FOXD1: variants seen among roughly 807,000 people sequenced by gnomAD.
The protein encoded by FOXD1 is forkhead box D1.
Under a neutral mutation model 2.0 loss-of-function variants are expected in FOXD1, and 4 were observed. The ratio of observed to expected loss-of-function variants is 2.03; its 90% CI spans 1.00 to 4.64. The LOEUF (loss-of-function observed/expected upper bound fraction) is 4.64. Ranked by LOEUF, FOXD1 falls within the 30% of genes most tolerant of loss-of-function variation. The probability of loss-of-function intolerance (pLI) is 0.01; values close to 1 mark genes in which losing one functional copy is unlikely to be tolerated. For missense variants in FOXD1, 586 were observed against 647.6 expected (o/e 0.90, Z 1.03); for synonymous variants, 354 against 328.5 (o/e 1.08, Z -0.84).
In FOXD1 at chr5:73,447,985, C is replaced by A. The variant is rs780745390; in HGVS notation, c.378G>T (p.Pro126=). The change falls in exon 1 of 1, where the codon CCG becomes CCT. Residue 126 remains proline, a synonymous_variant. Coordinates refer to ENST00000615637, the MANE Select transcript of FOXD1 (RefSeq NM_004472.3). The surrounding 1 kb of genome is among the most constrained non-coding windows in gnomAD (Gnocchi z 7.8). ...GSGAKNPLVK[P]PYSYIALITM... ...TGATGAGCGCGATATACGAGTAGGG[C>A]GGCTTCACCAGCGGGTTCTTGGCGC... The A allele has an allele frequency of 6.6e-7, 1 of 1,504,602 alleles. No homozygotes were observed. The allele number at this position is 1,504,602 out of a possible 1,614,324, so 93.2% of individuals were successfully genotyped here. A position where few individuals can be genotyped will look rare whatever the true frequency, so the allele number is the denominator to read the frequency against.
rs79685984 is a variant in FOXD1 at position 73,448,714 on chromosome 5, C to A, written c.-352G>T. On this transcript the variant is annotated 5_prime_UTR_variant, in exon 1 of 1. Coordinates refer to ENST00000615637, the MANE Select transcript of FOXD1 (RefSeq NM_004472.3). ...GGCGGGCGAATCAGAACGCCAGGCG[C>A]CCAGGAACGTGCGGGACGGGTGAGA... Among the ~76,000 whole-genome samples, 5,328 of 152,096 alleles carry A rather than the reference C, an allele frequency of 0.035. 122 individuals are homozygous for A. Among genetic ancestry groups the A allele is most frequent in the Middle Eastern group, 0.12 (34 of 294 alleles).
rs1246045501 is a variant in FOXD1 at position 73,448,754 on chromosome 5, C to T, written c.-392G>A. 2.6e-5 allele frequency among the ~76,000 whole-genome samples: 4 copies of T among 152,140 alleles called. No homozygotes were observed. Among genetic ancestry groups the T allele is most frequent in the Non-Finnish European group, 5.9e-5 (4 of 68,012 alleles). On this transcript the variant is annotated 5_prime_UTR_variant, in exon 1 of 1. Transcript: ENST00000615637. ...GACGGGTGAGAGTCTAAGAACAGAG[C>T]TCGGCGAGGCCAGGGCTGAGTCCAG...
In FOXD1 at chr5:73,448,057, C is replaced by T. The variant is rs1459498805; in HGVS notation, c.306G>A (p.Gly102=). 5 of 1,207,770 alleles carry T rather than the reference C, an allele frequency of 4.1e-6. No individual in the cohort carries two copies. The highest frequency in any genetic ancestry group is 4.1e-6 in the Non-Finnish European group (4 of 967,522). The allele number at this position is 1,207,770 out of a possible 1,614,324, so 74.8% of individuals were successfully genotyped here. The change falls in exon 1 of 1, where the codon GGG becomes GGA. Residue 102 remains glycine, a synonymous_variant. Transcript: ENST00000615637. ...PAPAAGAGAG[G]GGGGGGAGGG... Reference sequence around the variant, plus strand: ...CGCCCGCGCCGCCGCCGCCGCCGCCCCCACCGGCTCCTGCCCCCGCCGCCG... The same window carrying T: ...CGCCCGCGCCGCCGCCGCCGCCGCCTCCACCGGCTCCTGCCCCCGCCGCCG...
chr5:73,447,496 C>G lies in FOXD1; in HGVS notation c.867G>C (p.Ser289=). 3 of 1,005,364 alleles carry G rather than the reference C, an allele frequency of 3.0e-6. No homozygotes were observed. Among genetic ancestry groups the G allele is most frequent in the South Asian group, 4.5e-5 (1 of 22,292 alleles). The allele number at this position is 1,005,364 out of a possible 1,614,324, so 62.3% of individuals were successfully genotyped here. Residue 289 remains serine, a synonymous_variant, in exon 1 of 1, where the codon TCG becomes TCC. Coordinates refer to ENST00000615637, the MANE Select transcript of FOXD1 (RefSeq NM_004472.3). This position sits in a 1 kb window ranked among gnomAD's most constrained non-coding sequence, Gnocchi z 7.8. ...CGGCCGCTGCGGCGGCGAAGAGGGCCGAGGGCGGCGCGTAAGGCGGCAGCT... is the reference window on the plus strand; with the variant it reads ...CGGCCGCTGCGGCGGCGAAGAGGGCGGAGGGCGGCGCGTAAGGCGGCAGCT... ...GLQLPPYAPP[S]ALFAAAAAAA... is the part of the protein sequence containing the mutation.
rs1358497482 is a variant in FOXD1, at chr5:73,448,356, G to A, written c.7C>T (p.Leu3=). MT[L]STEMSDASGL... Reference sequence around the variant, plus strand: ...GAGGCATCGGACATCTCAGTGCTCAGGGTCATAGCTGTGGCGCGGCGGCGG... The same window carrying A: ...GAGGCATCGGACATCTCAGTGCTCAAGGTCATAGCTGTGGCGCGGCGGCGG... The change falls in exon 1 of 1, where the codon CTG becomes TTG. Residue 3 remains leucine, a synonymous_variant. Transcript: ENST00000615637. 8.3e-6 allele frequency: 11 copies of A among 1,328,172 alleles called. No homozygotes were observed. In the South Asian group the frequency reaches 9.3e-5, roughly 11 times the overall value. 82.3% of individuals were successfully genotyped at this position (1,328,172 alleles called of 1,614,324 possible). A position where few individuals can be genotyped will look rare whatever the true frequency, so the allele number is the denominator to read the frequency against.
Position 73,448,073 on chromosome 5 carries a change from C to T in FOXD1, c.290G>A (p.Gly97Glu), listed in dbSNP as rs1201032159. ...GCCGCCGCCCCCACCGGCTCCTGCC[C>T]CCGCCGCCGGGGCCGGGCCCGGGGG... is the stretch of plus-strand genomic sequence containing the variant. ...PAPPGPAPAA[G>E]AGAGGGGGGG... Residue 97 changes from glycine (G) to glutamate (E), a missense_variant, in exon 1 of 1, where the codon GGG (glycine) becomes GAG (glutamate). By Grantham distance (98) the Gly-to-Glu change is moderately conservative (BLOSUM62 -2). This residue lies in a region of FOXD1 where 183 missense variants were observed against 159.2 expected (regional missense o/e 1.15). Coordinates refer to ENST00000615637, the MANE Select transcript of FOXD1 (RefSeq NM_004472.3). 3 of 1,141,934 alleles carry T rather than the reference C, an allele frequency of 2.6e-6. No individual in the cohort carries two copies. Among genetic ancestry groups the T allele is most frequent in the Non-Finnish European group, 3.2e-6 (3 of 926,894 alleles). 70.7% of individuals were successfully genotyped at this position (1,141,934 alleles called of 1,614,324 possible). A position where few individuals can be genotyped will look rare whatever the true frequency, so the allele number is the denominator to read the frequency against.
At position 73,446,925 on chromosome 5, in the gene FOXD1, G is replaced by C; in HGVS notation, c.*40C>G. ...CCACCAAGACGAGAAAAGGAGCCGG[G>C]ATTCCTACCTTCTTCCTCGAGCGCG... On this transcript the variant is annotated 3_prime_UTR_variant, in exon 1 of 1. Coordinates refer to ENST00000615637, the MANE Select transcript of FOXD1 (RefSeq NM_004472.3). The C allele has an allele frequency of 6.7e-7, 1 of 1,492,552 alleles. No individual in the cohort carries two copies. The highest frequency in any genetic ancestry group is 9.1e-7 in the Non-Finnish European group (1 of 1,100,038). The allele number at this position is 1,492,552 out of a possible 1,614,324, so 92.5% of individuals were successfully genotyped here. A position where few individuals can be genotyped will look rare whatever the true frequency, so the allele number is the denominator to read the frequency against.
Position 73,446,753 on chromosome 5 carries a change from T to C in FOXD1, c.*212A>G, listed in dbSNP as rs1051680526. On this transcript the variant is annotated 3_prime_UTR_variant, in exon 1 of 1. Transcript: ENST00000615637. The stretch of plus-strand genomic sequence containing the variant: ...GGTCGGGGGTTGGGGGGCTGTAGCA[T>C]AGGTCGGCTTTGCATAAATAGAGGG... The C allele has an allele frequency of 4.0e-6, 2 of 500,882 alleles. No homozygotes were observed. The highest frequency in any genetic ancestry group is 7.2e-6 in the Non-Finnish European group (2 of 277,220). 31.0% of individuals were successfully genotyped at this position (500,882 alleles called of 1,614,324 possible).
rs1174266842 is a variant in FOXD1 at position 73,448,765 on chromosome 5, C to T, written c.-403G>A. ...GTCTAAGAACAGAGCTCGGCGAGGC[C>T]AGGGCTGAGTCCAGGAGAGGGCGGA... On this transcript the variant is annotated 5_prime_UTR_variant, in exon 1 of 1. Transcript: ENST00000615637. 6.6e-6 allele frequency among the ~76,000 whole-genome samples: 1 copy of T among 152,162 alleles called. No individual in the cohort carries two copies. Among genetic ancestry groups the T allele is most frequent in the Admixed American group, 6.5e-5 (1 of 15,286 alleles).
Position 73,447,460 on chromosome 5 carries a change from GGCGGCGGCGGCGGCC to G in FOXD1, c.888_902del (p.Ala299_Ala303del). ...GGGGCGAGTGCGGGTGGAAGGCGGC[GGCGGCGGCGGCGGCC>G]GCTGCGGCGGCGAAGAGGGCCGAGG... is the stretch of plus-strand genomic sequence containing the variant. On this transcript the variant is annotated inframe_deletion, in exon 1 of 1. Coordinates refer to ENST00000615637, the MANE Select transcript of FOXD1 (RefSeq NM_004472.3). This position sits in a 1 kb window ranked among gnomAD's most constrained non-coding sequence, Gnocchi z 7.8. 1.0e-6 allele frequency: 1 copy of G among 990,766 alleles called. No individual in the cohort carries two copies. Among genetic ancestry groups the G allele is most frequent in the Non-Finnish European group, 1.2e-6 (1 of 835,810 alleles). 61.4% of individuals were successfully genotyped at this position (990,766 alleles called of 1,614,324 possible). A position where few individuals can be genotyped will look rare whatever the true frequency, so the allele number is the denominator to read the frequency against.
Position 73,448,267 on chromosome 5 carries a change from TTCC to T in FOXD1, c.93_95del (p.Glu34del). The T allele has an allele frequency of 6.8e-7, 1 of 1,472,382 alleles. No homozygotes were observed. Among genetic ancestry groups the T allele is most frequent in the Non-Finnish European group, 9.1e-7 (1 of 1,103,396 alleles). 91.2% of individuals were successfully genotyped at this position (1,472,382 alleles called of 1,614,324 possible). On this transcript the variant is annotated inframe_deletion, in exon 1 of 1. Transcript: ENST00000615637. ...CGCCGCCCTCGTCGTCGTCCTCCTC[TTCC>T]TCGTCTTCTTCGTCCTCGCCCTCCC...
rs1020418364 is a variant in FOXD1 at position 73,447,188 on chromosome 5, G to A, written c.1175C>T (p.Pro392Leu). 2.6e-4 allele frequency: 265 copies of A among 1,023,490 alleles called. 4 individuals are homozygous for A. In the East Asian group the frequency reaches 0.021, roughly 80 times the overall value. 63.4% of individuals were successfully genotyped at this position (1,023,490 alleles called of 1,614,324 possible). A position where few individuals can be genotyped will look rare whatever the true frequency, so the allele number is the denominator to read the frequency against. Residue 392 changes from proline (P) to leucine (L), a missense_variant, in exon 1 of 1, where the codon CCC (proline) becomes CTC (leucine). Pro to Leu is a moderately conservative substitution (Grantham distance 98). Coordinates refer to ENST00000615637, the MANE Select transcript of FOXD1 (RefSeq NM_004472.3). The surrounding 1 kb of genome is among the most constrained non-coding windows in gnomAD (Gnocchi z 7.8). ...AQAAAAAQASPSPSPVAAPPA... is the reference protein window; with the variant it reads ...AQAAAAAQASLSPSPVAAPPA... ...CGGCGCCGCCACCGGCGAGGGCGAGGGCGAGGCCTGAGCGGCGGCGGCGGC... is the reference window on the plus strand; with the variant it reads ...CGGCGCCGCCACCGGCGAGGGCGAGAGCGAGGCCTGAGCGGCGGCGGCGGC...
rs1318876127 is a variant in FOXD1 at position 73,447,612 on chromosome 5, G to A, written c.751C>T (p.Pro251Ser). 8.1e-7 allele frequency: 1 copy of A among 1,237,240 alleles called. No individual in the cohort carries two copies. Among genetic ancestry groups the A allele is most frequent in the Non-Finnish European group, 1.0e-6 (1 of 986,160 alleles). The allele number at this position is 1,237,240 out of a possible 1,614,324, so 76.6% of individuals were successfully genotyped here. The change falls in exon 1 of 1, where the codon CCG becomes TCG. Residue 251 changes from proline to serine, a missense_variant. Transcript: ENST00000615637. The surrounding 1 kb of genome is among the most constrained non-coding windows in gnomAD (Gnocchi z 7.8). ...GGGAAGAGCGCGGCGGCGGCTGCCG[G>A]GTCGCCCGCGCCCCCTGCGGCTCCC... ...GAGAAGGAGD[P>S]AAAAALFPPA...
chr5:73,446,477 A>T lies in FOXD1; in HGVS notation c.*488T>A, dbSNP rs953182927. ...TTTTTCTTGTGTAAACATGTTAACC[A>T]TTTTTCCTTTTCATGAAAAAGTACA... On this transcript the variant is annotated 3_prime_UTR_variant, in exon 1 of 1. Transcript: ENST00000615637. 6.4e-6 allele frequency: 1 copy of T among 156,822 alleles called. No individual in the cohort carries two copies. Among genetic ancestry groups the T allele is most frequent in the East Asian group, 1.9e-4 (1 of 5,216 alleles). 9.7% of individuals were successfully genotyped at this position (156,822 alleles called of 1,614,324 possible). A position where few individuals can be genotyped will look rare whatever the true frequency, so the allele number is the denominator to read the frequency against.
chr5:73,446,863 G>A lies in FOXD1; in HGVS notation c.*102C>T, dbSNP rs1219781562. The A allele has an allele frequency of 8.6e-6, 9 of 1,051,740 alleles. No individual in the cohort carries two copies. The highest frequency in any genetic ancestry group is 1.4e-5 in the South Asian group (1 of 72,796). The allele number at this position is 1,051,740 out of a possible 1,614,324, so 65.2% of individuals were successfully genotyped here. A position where few individuals can be genotyped will look rare whatever the true frequency, so the allele number is the denominator to read the frequency against. ...GGCGAAAATGGGCGCGCGAGGTCGA[G>A]AGGGGCCGCGCCTGGAGGAGCGAAC... is the stretch of plus-strand genomic sequence containing the variant. On this transcript the variant is annotated 3_prime_UTR_variant, in exon 1 of 1. Coordinates refer to ENST00000615637, the MANE Select transcript of FOXD1 (RefSeq NM_004472.3).
At position 73,448,642 on chromosome 5, in the gene FOXD1, C is replaced by T. The variant is rs3734036; in HGVS notation, c.-280G>A. Reference sequence around the variant, plus strand: ...GGCGGAGGACTTGACCTTCTCCTCTCGGAGCAGCTTTTGCCCCGTCAGCTG... The same window carrying T: ...GGCGGAGGACTTGACCTTCTCCTCTTGGAGCAGCTTTTGCCCCGTCAGCTG... On this transcript the variant is annotated 5_prime_UTR_variant, in exon 1 of 1. Transcript: ENST00000615637. 0.04 allele frequency: 6,073 copies of T among 152,238 alleles called. 126 individuals carry two copies. Among genetic ancestry groups the T allele is most frequent in the East Asian group, 0.056 (287 of 5,112 alleles). 9.4% of individuals were successfully genotyped at this position (152,238 alleles called of 1,614,324 possible).
Position 73,447,235 on chromosome 5 carries a change from G to A in FOXD1, c.1128C>T (p.Ala376=). The change falls in exon 1 of 1, where the codon GCC becomes GCT. Residue 376 remains alanine (A), a synonymous_variant. Coordinates refer to ENST00000615637, the MANE Select transcript of FOXD1 (RefSeq NM_004472.3). This position sits in a 1 kb window ranked among gnomAD's most constrained non-coding sequence, Gnocchi z 7.8. ...SIIGGSLGPA[A]AAAAAAQAAA... ...CGGCCTGCGCGGCGGCGGCGGCAGC[G>A]GCGGCCGGGCCCAAGCTGCCCCCGA... is the stretch of plus-strand genomic sequence containing the variant. 8 of 989,722 alleles carry A rather than the reference G, an allele frequency of 8.1e-6. No individual in the cohort carries two copies. Among genetic ancestry groups the A allele is most frequent in the Non-Finnish European group, 9.6e-6 (8 of 835,774 alleles). The allele number at this position is 989,722 out of a possible 1,614,324, so 61.3% of individuals were successfully genotyped here.
rs984747416 is a variant in FOXD1, at chr5:73,448,737, A to G, written c.-375T>C. On this transcript the variant is annotated 5_prime_UTR_variant, in exon 1 of 1. Coordinates refer to ENST00000615637, the MANE Select transcript of FOXD1 (RefSeq NM_004472.3). ...CGCCCAGGAACGTGCGGGACGGGTG[A>G]GAGTCTAAGAACAGAGCTCGGCGAG... Among the ~76,000 whole-genome samples the G allele has an allele frequency of 6.6e-6, 1 of 152,004 alleles. No individual in the cohort carries two copies.
At position 73,448,355 on chromosome 5, in the gene FOXD1, AG is replaced by A; in HGVS notation, c.7del (p.Leu3Ter). The part of the protein sequence containing the change: MT[L>X]STEMSDASGL... The stretch of plus-strand genomic sequence containing the variant: ...AGAGGCATCGGACATCTCAGTGCTC[AG>A]GGTCATAGCTGTGGCGCGGCGGCGG... On this transcript the variant is annotated frameshift_variant, in exon 1 of 1. Transcript: ENST00000615637. LOFTEE classifies it low-confidence loss of function (END_TRUNC). 7.3e-7 allele frequency: 1 copy of A among 1,376,380 alleles called. No homozygotes were observed. The highest frequency in any genetic ancestry group is 3.5e-5 in the East Asian group (1 of 28,538). The allele number at this position is 1,376,380 out of a possible 1,614,324, so 85.3% of individuals were successfully genotyped here. A position where few individuals can be genotyped will look rare whatever the true frequency, so the allele number is the denominator to read the frequency against.
Sources: gnomAD v4.1 joint callset for allele counts (sites outside exome capture counted in the v4.1 genomes callset) on GRCh38, gnomAD v4.1.1 for gene constraint, gnomAD v4.1.1 regional missense constraint, Gnocchi (gnomAD v3.1) non-coding constraint, MANE v1.5 for transcripts, NCBI Gene and HGNC (gene_info 2026-07-23, HGNC 2026-07-21) for gene names.